CCDC141: variants seen among roughly 807,000 people sequenced by gnomAD.
The protein encoded by CCDC141 is coiled-coil domain-containing protein 141.
CCDC141 carries 168 observed loss-of-function variants against 181.0 expected under a neutral mutation model. That is an observed-to-expected ratio of 0.93 (90% CI 0.82 to 1.05). The LOEUF (loss-of-function observed/expected upper bound fraction) is 1.05. Among genes scored for constraint, CCDC141 ranks in the 50% least tolerant of loss-of-function variants. The probability of loss-of-function intolerance (pLI) is 0.00; values close to 1 mark genes in which losing one functional copy is unlikely to be tolerated. For synonymous variants in CCDC141, 666 were observed against 642.3 expected (o/e 1.04, Z -0.56); for missense variants, 1,902 against 1,788.5 (o/e 1.06, Z -1.14).
At chr2:178,930,774 CCCTTA>C (rs1689070085) in intron 6 of CCDC141, among the ~76,000 whole-genome samples, 1 of 151,992 alleles carries the variant, frequency 6.6e-6, no homozygotes, top group Non-Finnish European at 1.5e-5. Flanking sequence ...TGAAGTTAGA[CCCTTA>C]CCTCACACCA....
chr2:179,039,117 C>G (rs1055492411), intron 2 of CCDC141, among the ~76,000 whole-genome samples: 1 of 152,052 alleles, frequency 6.6e-6, no homozygotes, highest in Non-Finnish European at 1.5e-5. Context: ...AATCTAGACG[C>G]CTTTTGGGAG....
In CCDC141 at chr2:178,833,759, C is replaced by T. The variant is rs1228649452; in HGVS notation, c.*414G>A. 6.2e-6 allele frequency: 1 copy of T among 162,272 alleles called. No homozygotes were observed. The highest frequency in any genetic ancestry group is 1.4e-5 in the Non-Finnish European group (1 of 73,506). 10.1% of individuals were successfully genotyped at this position (162,272 alleles called of 1,614,324 possible). On this transcript the variant is annotated 3_prime_UTR_variant, in exon 24 of 24. Transcript: ENST00000443758. The stretch of plus-strand genomic sequence containing the variant: ...ATACAACATCAATTCAATAGTTCTA[C>T]TGATATTCCCTACAAAGGGATGTTT...
At chr2:178,894,992 C>T (rs1687337616) in intron 8 of CCDC141, among the ~76,000 whole-genome samples, 1 of 152,070 alleles carries the variant, frequency 6.6e-6, no homozygotes, top group Non-Finnish European at 1.5e-5. Flanking sequence ...TCCAAAAAGA[C>T]TTTCTTTTTG....
intron 2 of CCDC141, among the ~76,000 whole-genome samples, chr2:178,999,448 G>A (rs1692424186): frequency 6.6e-6 from 1 of 152,028 alleles, no homozygotes; most frequent in African/African-American, 2.4e-5. Flanking sequence ...CCTGCCTCTA[G>A]GTTCACCCTC....
At chr2:179,038,893 C>T (rs908502287) in intron 2 of CCDC141, among the ~76,000 whole-genome samples, 7 of 152,170 alleles carry the variant, frequency 4.6e-5, no homozygotes, top group Non-Finnish European at 8.8e-5. Flanking sequence ...TTCCCCTAGA[C>T]AATAGCAATG....
At chr2:178,851,954 C>T (rs1225270205) in intron 20 of CCDC141, among the ~76,000 whole-genome samples, 1 of 152,152 alleles carries the variant, frequency 6.6e-6, no homozygotes, top group Non-Finnish European at 1.5e-5. Flanking sequence ...TCCCTTGATG[C>T]AAATTTTAAA....
At chr2:178,958,890 T>C (rs1690271998) in intron 5 of CCDC141, among the ~76,000 whole-genome samples, 1 of 151,958 alleles carries the variant, frequency 6.6e-6, no homozygotes, top group Admixed American at 6.6e-5. Flanking sequence ...TTTTTTTTTT[T>C]TTTGGAGAGA....
chr2:178,958,712 CT>C (rs57620138), intron 5 of CCDC141, among the ~76,000 whole-genome samples: 146,237 of 151,966 alleles, frequency 0.96, 70,563 homozygotes, highest in East Asian at 1. Flanking sequence ...ATTTTTTCCC[CT>C]TTTTTTTGTT....
chr2:178,968,111 GAC>G, intron 4 of CCDC141, among the ~76,000 whole-genome samples: 1 of 152,234 alleles, frequency 6.6e-6, no homozygotes, highest in East Asian at 1.9e-4. Flanking sequence ...CCTACAAAGA[GAC>G]TTAGACTCCC....
At chr2:178,894,862 A>G (rs924585466) in intron 8 of CCDC141, among the ~76,000 whole-genome samples, 4 of 152,202 alleles carry the variant, frequency 2.6e-5, no homozygotes, top group Non-Finnish European at 5.9e-5. Flanking sequence ...ACTTGCTGAA[A>G]TTTTCTCATA....
At chr2:178,956,755 A>G (rs2154378500) in intron 5 of CCDC141, among the ~76,000 whole-genome samples, 1 of 152,340 alleles carries the variant, frequency 6.6e-6, no homozygotes, top group South Asian at 2.1e-4. Flanking sequence ...TTGACCATGA[A>G]TGTGCATTCT....
At chr2:179,043,565 AG>A (rs2043383844) in intron 2 of CCDC141, among the ~76,000 whole-genome samples, 1 of 152,236 alleles carries the variant, frequency 6.6e-6, no homozygotes, top group Non-Finnish European at 1.5e-5. Context: ...ACAGAACTAA[AG>A]ACAAAAACCA....
intron 16 of CCDC141, 145 bp downstream of exon 16, chr2:178,867,881 A>T (rs930914518): frequency 1.3e-5 from 8 of 626,820 alleles, no homozygotes; most frequent in African/African-American, 1.8e-5. Context: ...GTCAGAGGGT[A>T]GAAATGAATC....
intron 5 of CCDC141, among the ~76,000 whole-genome samples, chr2:178,947,983 T>C (rs977033004): frequency 5.3e-5 from 8 of 152,174 alleles, no homozygotes; most frequent in Admixed American, 3.9e-4. Context: ...GTGGATTCCT[T>C]GACCTCAAGA....
At chr2:179,009,151 G>T (rs1050346663) in intron 2 of CCDC141, among the ~76,000 whole-genome samples, 16 of 152,072 alleles carry the variant, frequency 1.1e-4, no homozygotes, top group African/African-American at 3.6e-4. Flanking sequence ...AATATACCTG[G>T]CAAAATCATC....
intron 2 of CCDC141, among the ~76,000 whole-genome samples, chr2:178,999,520 T>C (rs1692427081): frequency 6.6e-6 from 1 of 152,190 alleles, no homozygotes; most frequent in Non-Finnish European, 1.5e-5. Context: ...TATGAGCATG[T>C]CACTCAGCAA....
intron 2 of CCDC141, among the ~76,000 whole-genome samples, chr2:179,033,024 A>G (rs1246986557): frequency 1.4e-5 from 2 of 147,776 alleles, no homozygotes; most frequent in Non-Finnish European, 1.5e-5. Context: ...ATAATATTAT[A>G]TATATTATAA....
intron 2 of CCDC141, among the ~76,000 whole-genome samples, chr2:179,013,036 T>C (rs1190380426): frequency 6.6e-6 from 1 of 152,140 alleles, no homozygotes; most frequent in Non-Finnish European, 1.5e-5. Context: ...GTTGAAAGCA[T>C]GCCCTCTAAG....
At chr2:179,007,688 A>G (rs1575336194) in intron 2 of CCDC141, among the ~76,000 whole-genome samples, 2 of 152,218 alleles carry the variant, frequency 1.3e-5, no homozygotes, top group African/African-American at 2.4e-5. Context: ...TTTGACATCT[A>G]TAATAAAACC....
Sources: allele counts gnomAD v4.1 joint callset (sites outside exome capture counted in the v4.1 genomes callset), GRCh38; gene constraint gnomAD v4.1.1; transcripts MANE v1.5; gene names NCBI Gene and HGNC (gene_info 2026-07-23, HGNC 2026-07-21).